The following ZHX3 variants were observed in gnomAD, a reference collection of about 807,000 sequenced individuals.
ZHX3 encodes zinc fingers and homeoboxes protein 3.
Under a neutral mutation model 64.5 loss-of-function variants are expected in ZHX3, and 20 were observed. That is an observed-to-expected ratio of 0.31 (90% CI 0.22 to 0.45). The LOEUF is 0.45. Ranked by LOEUF, ZHX3 falls within the 20% of genes least tolerant of loss-of-function variation. The pLI is 1.00. For missense variants in ZHX3, 1,041 were observed against 1,195.8 expected (o/e 0.87, Z 1.91); for synonymous variants, 423 against 461.6 (o/e 0.92, Z 1.07).
intron 2 of ZHX3, among the ~76,000 whole-genome samples, chr20:41,257,046 G>T (rs1237069717): frequency 6.6e-6 from 1 of 152,072 alleles, no homozygotes; most frequent in African/African-American, 2.4e-5. Flanking sequence ...TAGCTTTTAA[G>T]ATTTTTCTGT....
At position 41,212,987 on chromosome 20, in the gene ZHX3, G is replaced by A. The variant is rs1057303646; in HGVS notation, c.-150-7921C>T. ...CAAACATCTATCAGCTGGTGAATGG[G>A]TAAGTAAAATATGATATATCCATAC... On this transcript the variant is annotated intron_variant, in intron 2 of 3. Coordinates refer to ENST00000683867, the MANE Select transcript of ZHX3 (RefSeq NM_001384317.1). The surrounding 1 kb of genome is among the most constrained non-coding windows in gnomAD (Gnocchi z 4.3). 6.6e-6 allele frequency among the ~76,000 whole-genome samples: 1 copy of A among 152,176 alleles called. No individual in the cohort carries two copies. The highest frequency in any genetic ancestry group is 1.5e-5 in the Non-Finnish European group (1 of 68,040).
intron 3 of ZHX3, among the ~76,000 whole-genome samples, chr20:41,192,686 C>T (rs2037135971): frequency 6.6e-6 from 1 of 152,230 alleles, no homozygotes; most frequent in Non-Finnish European, 1.5e-5. Flanking sequence ...TCTCTTACAC[C>T]TCAGCCCTGG....
intron 1 of ZHX3, among the ~76,000 whole-genome samples, chr20:41,305,300 G>A (rs1470468595): frequency 1.3e-5 from 2 of 152,100 alleles, no homozygotes; most frequent in Non-Finnish European, 2.9e-5. Flanking sequence ...CGGGTGGATT[G>A]CTTGATCCCA....
rs1271789537 is a variant in ZHX3 at position 41,204,081 on chromosome 20, G to A, written c.836C>T (p.Pro279Leu). ...GTGGACATGGTGTTGGGCATGCACT[G>A]GGGGCTGCTGCTGGAGGGAGAGGAA... ...AQFLSLQQQP[P>L]VHAQHHVHQP... Residue 279 changes from proline to leucine, a missense_variant, in exon 3 of 4, where the codon CCA (proline) becomes CTA (leucine). By Grantham distance (98) the Pro-to-Leu change is moderately conservative. Around this residue, in one of 4 missense-constraint regions of ZHX3, gnomAD observed 358 missense variants for 369.1 expected, o/e 0.97. Coordinates refer to ENST00000683867, the MANE Select transcript of ZHX3 (RefSeq NM_001384317.1). This position sits in a 1 kb window ranked among gnomAD's most constrained non-coding sequence, Gnocchi z 6.6. 1 of 1,610,100 alleles carries A rather than the reference G, an allele frequency of 6.2e-7. No individual in the cohort carries two copies. Among genetic ancestry groups the A allele is most frequent in the South Asian group, 1.1e-5 (1 of 90,398 alleles).
At chr20:41,309,121 G>C (rs544333214) in intron 1 of ZHX3, among the ~76,000 whole-genome samples, 9 of 151,984 alleles carry the variant, frequency 5.9e-5, no homozygotes, top group African/African-American at 1.7e-4. Flanking sequence ...ATTTTATAGA[G>C]CATTTCTGTT....
At chr20:41,213,228 T>G (rs2039291783) in intron 2 of ZHX3, among the ~76,000 whole-genome samples, 1 of 152,114 alleles carries the variant, frequency 6.6e-6, no homozygotes, top group South Asian at 2.1e-4. Context: ...TGGCTGCTAA[T>G]GAGTCACCAG....
At chr20:41,311,309 C>T (rs1249174127) in intron 1 of ZHX3, among the ~76,000 whole-genome samples, 3 of 151,978 alleles carry the variant, frequency 2.0e-5, no homozygotes, top group Non-Finnish European at 4.4e-5. Flanking sequence ...CTCAAAAGAT[C>T]CTATGAGATA....
chr20:41,252,617 C>T (rs570217369), intron 2 of ZHX3, among the ~76,000 whole-genome samples: 4 of 152,164 alleles, frequency 2.6e-5, no homozygotes, highest in Admixed American at 6.5e-5. Context: ...AGTCTTGTGA[C>T]AGCCTTCCTA....
rs2038094913 is a variant in ZHX3 at position 41,200,087 on chromosome 20, C to A, written c.2860+1970G>T. ...CAGGAACATTTTCCACAGTTGCCTG[C>A]TGCAGAGCTTGCGGATGCTGAAACA... On this transcript the variant is annotated intron_variant, in intron 3 of 3. Transcript: ENST00000683867. The surrounding 1 kb of genome is among the most constrained non-coding windows in gnomAD (Gnocchi z 4.2). 6.7e-6 allele frequency among the ~76,000 whole-genome samples: 1 copy of A among 150,030 alleles called. No individual in the cohort carries two copies. The highest frequency in any genetic ancestry group is 2.1e-4 in the South Asian group (1 of 4,724).
In ZHX3 at chr20:41,219,392, T is replaced by G. The variant is rs1336216754; in HGVS notation, c.-150-14326A>C. Among the ~76,000 whole-genome samples, 1 of 152,220 alleles carries G rather than the reference T, an allele frequency of 6.6e-6. No individual in the cohort carries two copies. The highest frequency in any genetic ancestry group is 1.5e-5 in the Non-Finnish European group (1 of 68,040). On this transcript the variant is annotated intron_variant, in intron 2 of 3. Transcript: ENST00000683867. The surrounding 1 kb of genome is among the most constrained non-coding windows in gnomAD (Gnocchi z 5.0). Reference sequence around the variant, plus strand: ...AGAATTAAAGAGACTTTAGAGATCATATATTCTAACCACTCACCTTTGCAT... The same window carrying G: ...AGAATTAAAGAGACTTTAGAGATCAGATATTCTAACCACTCACCTTTGCAT...
At chr20:41,225,923 T>C (rs192716945) in intron 2 of ZHX3, among the ~76,000 whole-genome samples, 1 of 152,334 alleles carries the variant, frequency 6.6e-6, no homozygotes, top group Non-Finnish European at 1.5e-5. Flanking sequence ...CCCCTTACTC[T>C]CTTCCCCCAG....
chr20:41,313,388 T>C (rs1257877777), intron 1 of ZHX3, among the ~76,000 whole-genome samples: 1 of 151,980 alleles, frequency 6.6e-6, no homozygotes, highest in African/African-American at 2.4e-5. Flanking sequence ...GTCCTGGGAA[T>C]TGATGAGATC....
chr20:41,301,792 C>T (rs530643798), intron 1 of ZHX3, among the ~76,000 whole-genome samples: 1 of 152,116 alleles, frequency 6.6e-6, no homozygotes, highest in Non-Finnish European at 1.5e-5. Flanking sequence ...CGGTGGCTCA[C>T]GCCTGTAATC....
chr20:41,300,350 G>A (rs954700233), intron 1 of ZHX3, among the ~76,000 whole-genome samples: 10 of 151,958 alleles, frequency 6.6e-5, no homozygotes, highest in African/African-American at 2.2e-4. Flanking sequence ...AAATTAATCT[G>A]TTCATAGAAT....
At chr20:41,209,426 T>G (rs902789367) in intron 2 of ZHX3, among the ~76,000 whole-genome samples, 1 of 152,070 alleles carries the variant, frequency 6.6e-6, no homozygotes, top group African/African-American at 2.4e-5. Flanking sequence ...ATCATGCTAC[T>G]TGACTTCAAA....
rs1263947364 is a variant in ZHX3 at position 41,184,230 on chromosome 20, G to A, written c.*961C>T. ...GAAATGAGTGTGGAGAAAGGGCTCT[G>A]AAAACCGCAGTGGTCAAAGCTTCAG... On this transcript the variant is annotated 3_prime_UTR_variant, in exon 4 of 4. Transcript: ENST00000683867. The A allele has an allele frequency of 6.6e-6, 1 of 152,242 alleles. No individual in the cohort carries two copies. The highest frequency in any genetic ancestry group is 1.5e-5 in the Non-Finnish European group (1 of 68,096). The allele number at this position is 152,242 out of a possible 1,614,324, so 9.4% of individuals were successfully genotyped here.
intron 3 of ZHX3, among the ~76,000 whole-genome samples, chr20:41,190,409 G>C (rs1600709625): frequency 6.6e-6 from 1 of 152,256 alleles, no homozygotes; most frequent in African/African-American, 2.4e-5. Context: ...GACCTCAGGT[G>C]ATCTGCCCAC....
chr20:41,210,696 G>C (rs145130260), intron 2 of ZHX3, among the ~76,000 whole-genome samples: 2 of 152,154 alleles, frequency 1.3e-5, no homozygotes, highest in Non-Finnish European at 2.9e-5. Context: ...ACGGCCTGTC[G>C]TGGGGTGGGG....
At chr20:41,248,074 C>T (rs1387556526) in intron 2 of ZHX3, among the ~76,000 whole-genome samples, 1 of 152,234 alleles carries the variant, frequency 6.6e-6, no homozygotes, top group Non-Finnish European at 1.5e-5. Context: ...TTATACTTTA[C>T]ACCCAAGCGT....
Sources: allele counts gnomAD v4.1 joint callset (sites outside exome capture counted in the v4.1 genomes callset), GRCh38; gene constraint gnomAD v4.1.1; regional missense constraint gnomAD v4.1.1; non-coding constraint Gnocchi (gnomAD v3.1); transcripts MANE v1.5; gene names NCBI Gene and HGNC (gene_info 2026-07-23, HGNC 2026-07-21).